RNPEP: variants seen among roughly 807,000 people sequenced by gnomAD.
RNPEP encodes aminopeptidase B.
RNPEP carries 57 observed loss-of-function variants against 70.1 expected under a neutral mutation model. That is an observed-to-expected ratio of 0.81 (90% CI 0.66 to 1.01). The LOEUF is 1.01. RNPEP is among the 50% of genes least tolerant of loss of function. The pLI is 0.00. For missense variants in RNPEP, 787 were observed against 852.4 expected (o/e 0.92, Z 0.96); for synonymous variants, 335 against 357.4 (o/e 0.94, Z 0.71).
chr1:201,986,283 CAG>C (rs1683128662), intron 1 of RNPEP, among the ~76,000 whole-genome samples: 1 of 152,006 alleles, frequency 6.6e-6, no homozygotes, highest in Non-Finnish European at 1.5e-5. Flanking sequence ...TCTGTAGAGA[CAG>C]GGTCCCCCTA....
Position 201,982,941 on chromosome 1 carries a change from C to T in RNPEP, c.275C>T (p.Ala92Val). 1.3e-6 allele frequency: 2 copies of T among 1,490,206 alleles called. No homozygotes were observed. The highest frequency in any genetic ancestry group is 2.9e-5 in the East Asian group (1 of 33,974). The allele number at this position is 1,490,206 out of a possible 1,614,324, so 92.3% of individuals were successfully genotyped here. Residue 92 changes from alanine to valine, a missense_variant, in exon 1 of 11, where the codon GCG becomes GTG. Physicochemically the swap from Ala to Val is moderately conservative, Grantham distance 64. Transcript: ENST00000295640. ...CCGTGCCTGGAGGTGACGGCGGCGGCGCTGCGGCGGGAGCGGCCCGGCTCG... is the reference window on the plus strand; with the variant it reads ...CCGTGCCTGGAGGTGACGGCGGCGGTGCTGCGGCGGGAGCGGCCCGGCTCG... ...SHPCLEVTAAALRRERPGSEE... is the reference protein window; with the variant it reads ...SHPCLEVTAAVLRRERPGSEE...
At chr1:201,994,153 G>T (rs908394536) in intron 3 of RNPEP, among the ~76,000 whole-genome samples, 1 of 152,008 alleles carries the variant, frequency 6.6e-6, no homozygotes, top group African/African-American at 2.4e-5. Flanking sequence ...CTCCTTCCCT[G>T]ACTCCTCTGC....
chr1:202,003,174 T>C (rs1420951403), intron 8 of RNPEP, 63 bp from the exon 9 acceptor site: 1 of 1,290,318 alleles, frequency 7.8e-7, no homozygotes. Context: ...TGGGAGTTGC[T>C]TAAACCAGTT....
At position 201,997,540 on chromosome 1, in the gene RNPEP, C is replaced by A. The variant is rs553497420; in HGVS notation, c.1076C>A (p.Ser359Tyr). 3.1e-6 allele frequency: 5 copies of A among 1,612,554 alleles called. No homozygotes were observed. In the South Asian group the frequency reaches 4.4e-5, roughly 14 times the overall value. The change falls in exon 5 of 11, where the codon TCC becomes TAC. Residue 359 changes from serine (S) to tyrosine (Y), a missense_variant. Transcript: ENST00000295640. ...ACCATGTACGCCCAGAGGAGGATCT[C>A]CACCATCCTCTTTGGTAAAGTGCCC... ...GFTMYAQRRI[S>Y]TILFGAAYTC...
intron 3 of RNPEP, among the ~76,000 whole-genome samples, chr1:201,992,233 A>G (rs975427054): frequency 5.9e-5 from 9 of 152,012 alleles, no homozygotes; most frequent in Admixed American, 1.3e-4. Flanking sequence ...AGGTCTTGCT[A>G]TGTTGTCCAG....
At chr1:201,988,048 G>C (rs1683193053) in intron 1 of RNPEP, among the ~76,000 whole-genome samples, 1 of 151,834 alleles carries the variant, frequency 6.6e-6, no homozygotes, top group Non-Finnish European at 1.5e-5. Context: ...GCTGAGGCAG[G>C]AGACTCGCTT....
chr1:201,992,257 T>C (rs191603318), intron 3 of RNPEP, among the ~76,000 whole-genome samples: 1 of 152,192 alleles, frequency 6.6e-6, no homozygotes, highest in East Asian at 1.9e-4. Flanking sequence ...GATCTTGAAC[T>C]CCTGGGCTCA....
intron 5 of RNPEP, among the ~76,000 whole-genome samples, chr1:201,998,443 G>A (rs555715660): frequency 2.0e-5 from 3 of 152,004 alleles, no homozygotes; most frequent in East Asian, 1.9e-4. Flanking sequence ...ACAGGATTTC[G>A]GCATATTGGC....
intron 1 of RNPEP, among the ~76,000 whole-genome samples, chr1:201,986,779 A>T (rs189916707): frequency 6.6e-6 from 1 of 151,866 alleles, no homozygotes; most frequent in Non-Finnish European, 1.5e-5. Context: ...ACCTCAGGTG[A>T]TCCACCAGCC....
chr1:202,003,593 C>A, intron 9 of RNPEP, 132 bp downstream of exon 9: 1 of 660,626 alleles, frequency 1.5e-6, no homozygotes, highest in Non-Finnish European at 2.6e-6. Context: ...TGGCACTCCA[C>A]AAGGAATGTG....
chr1:202,003,360 T>G lies in RNPEP; in HGVS notation c.1550T>G (p.Leu517Arg). The stretch of plus-strand genomic sequence containing the variant: ...GCCCAACTGTGGGCAGCCGAGGAGC[T>G]GGACATGAAGGCCATTGAAGCCGTG... ...ELAQLWAAEE[L>R]DMKAIEAVAI... is the part of the protein sequence containing the mutation. Residue 517 changes from leucine (L) to arginine (R), a missense_variant, in exon 9 of 11, where the codon CTG becomes CGG. Leu to Arg is a moderately radical substitution (Grantham distance 102). Transcript: ENST00000295640. 6.2e-7 allele frequency: 1 copy of G among 1,614,158 alleles called. No individual in the cohort carries two copies.
rs117391497 is a variant in RNPEP, at chr1:201,994,670, T to C, written c.738-1477T>C. 3.8e-3 allele frequency among the ~76,000 whole-genome samples: 551 copies of C among 146,108 alleles called. 12 individuals carry two copies. In the East Asian group the frequency reaches 0.041, roughly 11 times the overall value. On this transcript the variant is annotated intron_variant, in intron 3 of 10. Coordinates refer to ENST00000295640, the MANE Select transcript of RNPEP (RefSeq NM_020216.4). Reference sequence around the variant, plus strand: ...CCATCCCACTTTGCCATCAGTCTCTTTTTTTTTTTTTTTTGAAACAGAGTC... The same window carrying C: ...CCATCCCACTTTGCCATCAGTCTCTCTTTTTTTTTTTTTTGAAACAGAGTC...
chr1:201,987,554 C>T (rs12027956), intron 1 of RNPEP, among the ~76,000 whole-genome samples: 12,915 of 151,050 alleles, frequency 0.086, 717 homozygotes, highest in Middle Eastern at 0.17. Flanking sequence ...TCTCCTGCCT[C>T]AGCCTCCTGA....
intron 3 of RNPEP, among the ~76,000 whole-genome samples, chr1:201,990,999 T>C (rs1683311825): frequency 6.6e-6 from 1 of 152,178 alleles, no homozygotes; most frequent in Admixed American, 6.5e-5. Flanking sequence ...AATGACAACA[T>C]GGTATATCGA....
chr1:201,996,099 C>T lies in RNPEP; in HGVS notation c.738-48C>T, dbSNP rs368269937. 74 of 1,473,502 alleles carry T rather than the reference C, an allele frequency of 5.0e-5. 1 individual carries two copies. The highest frequency in any genetic ancestry group is 4.0e-4 in the South Asian group (35 of 87,332). 91.3% of individuals were successfully genotyped at this position (1,473,502 alleles called of 1,614,324 possible). On this transcript the variant is annotated intron_variant, in intron 3 of 10. Transcript: ENST00000295640. Reference sequence around the variant, plus strand: ...AGGTGCTTTCAGGATCAGGTCACTGCGATGGTCTCTAAACACCATTCTGCT... The same window carrying T: ...AGGTGCTTTCAGGATCAGGTCACTGTGATGGTCTCTAAACACCATTCTGCT...
Position 202,001,667 on chromosome 1 carries a change from G to T in RNPEP, c.1326G>T (p.Val442=). 6.2e-7 allele frequency: 1 copy of T among 1,612,236 alleles called. No individual in the cohort carries two copies. The highest frequency in any genetic ancestry group is 8.5e-7 in the Non-Finnish European group (1 of 1,178,278). The change falls in exon 8 of 11, where the codon GTG becomes GTT. Residue 442 remains valine (V), a synonymous_variant. Transcript: ENST00000295640. ...GCTTTCCCTCCTCACAGGCCTATGT[G>T]CATGAATTCAAATTCCGAAGCATCT... ...DQFDSFLKAY[V]HEFKFRSILA...
At chr1:201,992,627 G>A (rs1366843792) in intron 3 of RNPEP, among the ~76,000 whole-genome samples, 2 of 151,950 alleles carry the variant, frequency 1.3e-5, no homozygotes, top group South Asian at 2.1e-4. Context: ...CCTCCTGACT[G>A]GGCTTCCCTC....
At position 201,989,554 on chromosome 1, in the gene RNPEP, G is replaced by A. The variant is rs778305414; in HGVS notation, c.737+23G>A. ...CAGGTAGGAGACAAAGACCCCACAG[G>A]CAAGGTTGGATTGGCCTCAGAGGTG... On this transcript the variant is annotated intron_variant, in intron 3 of 10. Coordinates refer to ENST00000295640, the MANE Select transcript of RNPEP (RefSeq NM_020216.4). 6.2e-6 allele frequency: 10 copies of A among 1,613,764 alleles called. No homozygotes were observed. In the Admixed American group the frequency reaches 1.5e-4, roughly 24 times the overall value.
At chr1:201,983,399 C>T (rs1571617140) in intron 1 of RNPEP, 1 of 1,496,634 alleles carries the variant, frequency 6.7e-7, no homozygotes, top group Non-Finnish European at 9.0e-7. Flanking sequence ...GAGGCTTGTC[C>T]AGATTGCGCC....
Sources: allele counts gnomAD v4.1 joint callset (sites outside exome capture counted in the v4.1 genomes callset), GRCh38; gene constraint gnomAD v4.1.1; transcripts MANE v1.5; gene names NCBI Gene and HGNC (gene_info 2026-07-23, HGNC 2026-07-21).